GORASP2: variants seen among roughly 807,000 people sequenced by gnomAD.
The protein encoded by GORASP2 is Golgi reassembly-stacking protein 2.
A neutral mutation model predicts 45.7 loss-of-function variants in GORASP2; 22 were observed. That is an observed-to-expected ratio of 0.48 (90% CI 0.34 to 0.69). The LOEUF (loss-of-function observed/expected upper bound fraction) is 0.69, where lower values mean the gene tolerates loss of function less well. GORASP2 is among the 30% of genes least tolerant of loss of function. The pLI is 0.01. For missense variants in GORASP2, 491 were observed against 562.7 expected, an observed-to-expected ratio of 0.87 and a Z score of 1.29; for synonymous variants, 221 against 215.6, an observed-to-expected ratio of 1.02 and a Z score of -0.22.
Position 170,935,344 on chromosome 2 carries a change from A to G in GORASP2, c.63+5941A>G, listed in dbSNP as rs1703923035. Among the ~76,000 whole-genome samples the G allele has an allele frequency of 4.0e-5, 6 of 150,904 alleles. No homozygotes were observed. The South Asian group carries it at 1.3e-3, about 32-fold the overall frequency. On this transcript the variant is annotated intron_variant, in intron 1 of 9. Transcript: ENST00000234160. Reference sequence around the variant, plus strand: ...ATCTCAGCTCACTGCAACTTCCGCCACTCCAGTTCAAGTGATTCTCCTGCC... The same window carrying G: ...ATCTCAGCTCACTGCAACTTCCGCCGCTCCAGTTCAAGTGATTCTCCTGCC...
intron 7 of GORASP2, among the ~76,000 whole-genome samples, chr2:170,960,688 G>C (rs941328472): frequency 1.3e-5 from 2 of 152,196 alleles, no homozygotes; most frequent in African/African-American, 4.8e-5. Flanking sequence ...GTACAGAGTA[G>C]AGAACAGCTT....
At chr2:170,942,457 A>G (rs2105316304) in intron 1 of GORASP2, among the ~76,000 whole-genome samples, 1 of 152,314 alleles carries the variant, frequency 6.6e-6, no homozygotes, top group South Asian at 2.1e-4. Flanking sequence ...CGGACATTTC[A>G]TATTAATTGA....
chr2:170,965,813 C>T lies in GORASP2; in HGVS notation c.1042C>T (p.Pro348Ser). 7 of 1,613,910 alleles carry T rather than the reference C, an allele frequency of 4.3e-6. No individual in the cohort carries two copies. The highest frequency in any genetic ancestry group is 5.9e-6 in the Non-Finnish European group (7 of 1,179,874). Reference sequence around the variant, plus strand: ...AGGTCTGCCACCTCTTCCTTCCATGCCTCCCCGAAACTTACCTGGCATTGC... The same window carrying T: ...AGGTCTGCCACCTCTTCCTTCCATGTCTCCCCGAAACTTACCTGGCATTGC... ...NPGLPPLPSM[P>S]PRNLPGIAPL... is the part of the protein sequence containing the mutation. The change falls in exon 10 of 10, where the codon CCT (proline) becomes TCT (serine). Residue 348 changes from proline to serine, a missense_variant. By Grantham distance (74) the Pro-to-Ser change is moderately conservative. Coordinates refer to ENST00000234160, the MANE Select transcript of GORASP2 (RefSeq NM_015530.5).
intron 3 of GORASP2, 197 bp downstream of exon 3, chr2:170,949,939 T>G (rs144890506): frequency 1.8e-6 from 1 of 570,274 alleles, no homozygotes; most frequent in African/African-American, 1.9e-5. Context: ...ATGTACAAGT[T>G]TAAGAACTTT....
rs113151996 is a variant in GORASP2, at chr2:170,966,638, T to C, written c.*508T>C. 9.1e-3 allele frequency: 1,518 copies of C among 167,616 alleles called. 8 individuals carry two copies. Among genetic ancestry groups the C allele is most frequent in the Middle Eastern group, 0.015 (5 of 328 alleles). The allele number at this position is 167,616 out of a possible 1,614,324, so 10.4% of individuals were successfully genotyped here. A position where few individuals can be genotyped will look rare whatever the true frequency, so the allele number is the denominator to read the frequency against. ...ATCTCTACTAAGGTTTACACAGGAA[T>C]TCCACCTGAAGACTTGTGTTAAAGT... On this transcript the variant is annotated 3_prime_UTR_variant, in exon 10 of 10. Transcript: ENST00000234160.
At position 170,966,336 on chromosome 2, in the gene GORASP2, G is replaced by A. The variant is rs183267992; in HGVS notation, c.*206G>A. 2.4e-5 allele frequency: 14 copies of A among 583,022 alleles called. No homozygotes were observed. The highest frequency in any genetic ancestry group is 8.7e-5 in the East Asian group (3 of 34,362). 36.1% of individuals were successfully genotyped at this position (583,022 alleles called of 1,614,324 possible). A position where few individuals can be genotyped will look rare whatever the true frequency, so the allele number is the denominator to read the frequency against. ...ACGCTAGGGTGAGATGTCAGAAAGC[G>A]CTTGTATTTTAAACAACCAAAAAGA... On this transcript the variant is annotated 3_prime_UTR_variant, in exon 10 of 10. Transcript: ENST00000234160.
At chr2:170,934,256 T>G (rs2723235) in intron 1 of GORASP2, among the ~76,000 whole-genome samples, 8,895 of 150,808 alleles carry the variant, frequency 0.059, 633 homozygotes, top group African/African-American at 0.16. Context: ...TGTTTTTTTT[T>G]TTGTTGTTGT....
chr2:170,929,474 C>G, intron 1 of GORASP2, 71 bp downstream of exon 1: 1 of 1,164,754 alleles, frequency 8.6e-7, no homozygotes, highest in East Asian at 3.2e-5. Context: ...GCGGAGGCCC[C>G]CATGGGCTCC....
At chr2:170,943,101 G>T (rs890092181) in intron 1 of GORASP2, among the ~76,000 whole-genome samples, 19 of 152,108 alleles carry the variant, frequency 1.2e-4, no homozygotes, top group African/African-American at 4.3e-4. Flanking sequence ...AGTGCATTTT[G>T]TGTCCAGTTT....
rs750400500 is a variant in GORASP2 at position 170,966,179 on chromosome 2, G to A, written c.*49G>A. 31 of 1,335,656 alleles carry A rather than the reference G, an allele frequency of 2.3e-5. No homozygotes were observed. The highest frequency in any genetic ancestry group is 2.3e-5 in the South Asian group (2 of 85,284). 82.7% of individuals were successfully genotyped at this position (1,335,656 alleles called of 1,614,324 possible). A position where few individuals can be genotyped will look rare whatever the true frequency, so the allele number is the denominator to read the frequency against. On this transcript the variant is annotated 3_prime_UTR_variant, in exon 10 of 10. Coordinates refer to ENST00000234160, the MANE Select transcript of GORASP2 (RefSeq NM_015530.5). ...GCGTGGTATATTTAACCACGGGAGC[G>A]TGTCTGGAAACGCAAACTATCATTA...
At chr2:170,953,060 T>A (rs1704336740) in intron 5 of GORASP2, among the ~76,000 whole-genome samples, 1 of 152,030 alleles carries the variant, frequency 6.6e-6, no homozygotes, top group Non-Finnish European at 1.5e-5. Flanking sequence ...ATCAGACTGG[T>A]AAAGGAGGAG....
intron 7 of GORASP2, among the ~76,000 whole-genome samples, chr2:170,956,821 G>A (rs954887817): frequency 6.6e-6 from 1 of 152,122 alleles, no homozygotes; most frequent in South Asian, 2.1e-4. Context: ...GCCTGAGATG[G>A]GAGGATTGCT....
intron 1 of GORASP2, chr2:170,936,731 A>G: frequency 1.1e-6 from 1 of 929,308 alleles, no homozygotes. Context: ...GACTGAGGTG[A>G]GGTGGGGGCC....
chr2:170,941,646 T>G lies in GORASP2; in HGVS notation c.64-6704T>G, dbSNP rs1173976815. 3.3e-5 allele frequency among the ~76,000 whole-genome samples: 5 copies of G among 152,344 alleles called. No individual in the cohort carries two copies. In the East Asian group the frequency reaches 9.6e-4, roughly 29 times the overall value. ...TGCTAGGTACTCATTTGTATCTGGC[T>G]TCTTTTGCTCGGATATTGCTTGTGA... On this transcript the variant is annotated intron_variant, in intron 1 of 9. Transcript: ENST00000234160.
intron 8 of GORASP2, 35 bp downstream of exon 8, chr2:170,961,784 TAACAG>T: frequency 4.2e-6 from 4 of 958,108 alleles, no homozygotes; most frequent in Non-Finnish European, 6.9e-6. Flanking sequence ...TGGCTGATAA[TAACAG>T]TATTACTGAT....
At chr2:170,948,324 T>C in intron 1 of GORASP2, 26 bp from the exon 2 acceptor site, 1 of 1,380,844 alleles carries the variant, frequency 7.2e-7, no homozygotes, top group Non-Finnish European at 1.0e-6. Flanking sequence ...TTACATTTTT[T>C]ATTTTTGTCG....
intron 1 of GORASP2, among the ~76,000 whole-genome samples, chr2:170,933,606 T>A (rs1703877576): frequency 6.6e-6 from 1 of 152,218 alleles, no homozygotes; most frequent in South Asian, 2.1e-4. Flanking sequence ...TAAAAAATTA[T>A]TAGTGACATA....
chr2:170,945,091 T>A lies in GORASP2; in HGVS notation c.64-3259T>A, dbSNP rs779845738. Among the ~76,000 whole-genome samples, 33 of 152,152 alleles carry A rather than the reference T, an allele frequency of 2.2e-4. No individual in the cohort carries two copies. In the South Asian group the frequency reaches 2.3e-3, roughly 10 times the overall value. On this transcript the variant is annotated intron_variant, in intron 1 of 9. Coordinates refer to ENST00000234160, the MANE Select transcript of GORASP2 (RefSeq NM_015530.5). ...TTCAGAGTTGCCATTTGAGAAGAAA[T>A]ATGCTATTTTGAGTCCTAGACATTT...
At chr2:170,944,969 T>C (rs1704151181) in intron 1 of GORASP2, among the ~76,000 whole-genome samples, 1 of 152,194 alleles carries the variant, frequency 6.6e-6, no homozygotes, top group African/African-American at 2.4e-5. Flanking sequence ...GATAACCACC[T>C]AATAGGCATT....
Sources: gnomAD v4.1 joint callset for allele counts (sites outside exome capture counted in the v4.1 genomes callset) on GRCh38, gnomAD v4.1.1 for gene constraint, MANE v1.5 for transcripts, NCBI Gene and HGNC (gene_info 2026-07-23, HGNC 2026-07-21) for gene names.